C13orf42: variants seen among roughly 807,000 people sequenced by gnomAD.
The protein encoded by C13orf42 is uncharacterized protein C13orf42.
intron 1 of C13orf42, among the ~76,000 whole-genome samples, chr13:51,089,008 C>T (rs866264186): frequency 6.6e-6 from 1 of 152,038 alleles, no homozygotes; most frequent in East Asian, 1.9e-4. Context: ...ATAAAAAACT[C>T]TCTGAGGAAT....
At chr13:51,135,653 A>C (rs112922156) in intron 1 of C13orf42, among the ~76,000 whole-genome samples, 44 of 89,308 alleles carry the variant, frequency 4.9e-4, no homozygotes, top group South Asian at 3.5e-3. Context: ...ACCCTGTCCC[A>C]AAAAAAAAAA....
At chr13:51,136,319 T>C (rs7333165) in intron 1 of C13orf42, among the ~76,000 whole-genome samples, 18,767 of 152,068 alleles carry the variant, frequency 0.12, 1,420 homozygotes, top group Admixed American at 0.18. Context: ...AGAAGCAAGG[T>C]GAACCCAGGT....
chr13:51,103,620 G>C (rs1227699987), intron 1 of C13orf42, among the ~76,000 whole-genome samples: 1 of 152,132 alleles, frequency 6.6e-6, no homozygotes, highest in African/African-American at 2.4e-5. Context: ...AGAATCACTT[G>C]AACCCGGGAG....
At chr13:51,131,188 G>A (rs1953614155) in intron 1 of C13orf42, among the ~76,000 whole-genome samples, 1 of 152,134 alleles carries the variant, frequency 6.6e-6, no homozygotes, top group South Asian at 2.1e-4. Flanking sequence ...TTATACTCCT[G>A]TGAACAAAAT....
intron 1 of C13orf42, among the ~76,000 whole-genome samples, chr13:51,102,590 G>A (rs1953305975): frequency 2.0e-5 from 3 of 152,190 alleles, no homozygotes; most frequent in Admixed American, 2.0e-4. Flanking sequence ...ATGAGGATCA[G>A]GGAGGGGTGT....
upstream of C13orf42, among the ~76,000 whole-genome samples, chr13:51,113,546 G>A (rs1272811364): frequency 6.7e-6 from 1 of 149,872 alleles, no homozygotes; most frequent in Non-Finnish European, 1.5e-5. Context: ...AAATCACCTT[G>A]TGGTTTTCCA....
In C13orf42 at chr13:51,092,957, T is replaced by C. The variant is rs200223910; in HGVS notation, c.415-4882A>G. On this transcript the variant is annotated intron_variant, in intron 1 of 3. Transcript: ENST00000563710. ...TCTGAAAGCTAATCCTAAAAAAAGA[T>C]AATTTTACTCATAAATACTTCAAAA... Among the ~76,000 whole-genome samples the C allele has an allele frequency of 2.5e-4, 38 of 152,296 alleles. No homozygotes were observed. In the East Asian group the frequency reaches 3.3e-3, roughly 13 times the overall value.
At chr13:51,155,917 C>A (rs1453375053) in intron 1 of C13orf42, among the ~76,000 whole-genome samples, 2 of 152,158 alleles carry the variant, frequency 1.3e-5, no homozygotes, top group Non-Finnish European at 2.9e-5. Context: ...GTTGGAGATC[C>A]AGGCAGAAAA....
At chr13:51,141,342 T>G (rs920703856) in intron 1 of C13orf42, among the ~76,000 whole-genome samples, 1 of 152,010 alleles carries the variant, frequency 6.6e-6, no homozygotes, top group Non-Finnish European at 1.5e-5. Flanking sequence ...AGAATGTAGT[T>G]TAGACACTCA....
At chr13:51,095,604 C>G (rs1461201342) in intron 1 of C13orf42, among the ~76,000 whole-genome samples, 1 of 151,802 alleles carries the variant, frequency 6.6e-6, no homozygotes, top group Non-Finnish European at 1.5e-5. Flanking sequence ...ATCTTCAAGT[C>G]TGCTGATTTT....
chr13:51,139,317 AAAAAT>A (rs1378281804), intron 1 of C13orf42, among the ~76,000 whole-genome samples: 2 of 152,184 alleles, frequency 1.3e-5, no homozygotes, highest in African/African-American at 4.8e-5. Context: ...CTGTCTCAAA[AAAAAT>A]AAAATAAAAT....
At chr13:51,166,503 T>G (rs1953902929) in intron 1 of C13orf42, among the ~76,000 whole-genome samples, 5 of 141,500 alleles carry the variant, frequency 3.5e-5, no homozygotes, top group Admixed American at 7.2e-5. Flanking sequence ...AGATGACGAG[T>G]TAGTGGGTGC....
chr13:51,158,515 T>C (rs1953840129), intron 1 of C13orf42, among the ~76,000 whole-genome samples: 1 of 152,266 alleles, frequency 6.6e-6, no homozygotes, highest in Non-Finnish European at 1.5e-5. Context: ...GTAGCAATGA[T>C]GGCTGCACAT....
chr13:51,159,128 T>A (rs1237601502), intron 1 of C13orf42, among the ~76,000 whole-genome samples: 6 of 152,212 alleles, frequency 3.9e-5, no homozygotes, highest in Non-Finnish European at 5.9e-5. Flanking sequence ...GTGTTTCATA[T>A]GTTCCCCACC....
At chr13:51,102,227 A>G (rs1360068096) in intron 1 of C13orf42, among the ~76,000 whole-genome samples, 1 of 152,188 alleles carries the variant, frequency 6.6e-6, no homozygotes. Context: ...TTTTAATATC[A>G]CTGTGTTTGC....
intron 1 of C13orf42, among the ~76,000 whole-genome samples, chr13:51,127,621 G>C (rs1028984358): frequency 5.9e-5 from 9 of 152,084 alleles, no homozygotes; most frequent in African/African-American, 2.2e-4. Flanking sequence ...TGGGGGTCTT[G>C]GGTGTCCAAT....
At chr13:51,089,749 G>C (rs1299004303) in intron 1 of C13orf42, among the ~76,000 whole-genome samples, 1 of 151,762 alleles carries the variant, frequency 6.6e-6, no homozygotes, top group African/African-American at 2.4e-5. Flanking sequence ...TTTCTGACTG[G>C]CAGAAGCTTT....
At chr13:51,095,077 G>A (rs1458419204) in intron 1 of C13orf42, among the ~76,000 whole-genome samples, 1 of 152,152 alleles carries the variant, frequency 6.6e-6, no homozygotes, top group Non-Finnish European at 1.5e-5. Flanking sequence ...CCCCAGCCAT[G>A]TGGAACTGTG....
At chr13:51,091,846 C>T (rs953310774) in intron 1 of C13orf42, among the ~76,000 whole-genome samples, 1 of 152,100 alleles carries the variant, frequency 6.6e-6, no homozygotes, top group African/African-American at 2.4e-5. Context: ...ATGACAAGAA[C>T]ACAGGGGACA....
Sources: allele counts gnomAD v4.1 joint callset (sites outside exome capture counted in the v4.1 genomes callset), GRCh38; gene constraint gnomAD v4.1.1; transcripts MANE v1.5; gene names NCBI Gene and HGNC (gene_info 2026-07-23, HGNC 2026-07-21).